The following CRISPLD2 variants were observed in gnomAD, a reference collection of about 807,000 sequenced individuals.
CRISPLD2 encodes the protein cysteine-rich secretory protein LCCL domain-containing 2.
In CRISPLD2, 47 loss-of-function variants were observed where a neutral mutation model predicts 71.1. The observed-to-expected ratio is 0.66, with a 90% CI of 0.52 to 0.84. The LOEUF is 0.84. CRISPLD2 is among the 40% of genes least tolerant of loss of function. The pLI is 0.00. For synonymous variants in CRISPLD2, 317 were observed against 250.1 expected, an observed-to-expected ratio of 1.27 and a Z score of -2.52; for missense variants, 830 against 651.1, an observed-to-expected ratio of 1.27 and a Z score of -2.99.
In CRISPLD2 at chr16:84,829,755, G is replaced by C. The variant is rs77585951; in HGVS notation, c.-74-8667G>C. On this transcript the variant is annotated intron_variant, in intron 1 of 14. Coordinates refer to ENST00000262424, the MANE Select transcript of CRISPLD2 (RefSeq NM_031476.4). The stretch of plus-strand genomic sequence containing the variant: ...AGGCCTTATGTGTGACCACAGGCAA[G>C]TTGCTTATCTTTTTTAAGCCTCAGT... Among the ~76,000 whole-genome samples the C allele has an allele frequency of 7.9e-3, 1,199 of 152,330 alleles. 44 individuals carry two copies. Among genetic ancestry groups the C allele is most frequent in the Admixed American group, 0.065 (996 of 15,304 alleles).
chr16:84,862,729 G>A (rs1312173068), intron 6 of CRISPLD2, among the ~76,000 whole-genome samples: 1 of 147,724 alleles, frequency 6.8e-6, no homozygotes, highest in East Asian at 2.0e-4. Flanking sequence ...CCATGACCGA[G>A]GGGCCTTGCA....
chr16:84,899,480 C>T (rs1597487003), intron 14 of CRISPLD2, among the ~76,000 whole-genome samples: 1 of 152,340 alleles, frequency 6.6e-6, no homozygotes, highest in East Asian at 1.9e-4. Context: ...AGCTTAATAA[C>T]TGCTTGAGGC....
At chr16:84,843,693 T>A (rs1916836270) in intron 2 of CRISPLD2, among the ~76,000 whole-genome samples, 1 of 150,676 alleles carries the variant, frequency 6.6e-6, no homozygotes, top group African/African-American at 2.5e-5. Flanking sequence ...TATTGCACAG[T>A]CAGCATGTTG....
chr16:84,840,837 C>T (rs956776252), intron 2 of CRISPLD2, among the ~76,000 whole-genome samples: 6 of 152,258 alleles, frequency 3.9e-5, no homozygotes, highest in Middle Eastern at 3.4e-3. Flanking sequence ...CCACCGTGCC[C>T]GGCCTATACA....
intron 8 of CRISPLD2, 50 bp downstream of exon 8, chr16:84,868,961 G>A (rs769686560): frequency 6.6e-7 from 1 of 1,507,786 alleles, no homozygotes; most frequent in Non-Finnish European, 9.0e-7. Flanking sequence ...AGTCTGTGCT[G>A]GGCTGTCCTA....
chr16:84,902,741 A>G lies in CRISPLD2; in HGVS notation c.1440-3847A>G, dbSNP rs369301426. Among the ~76,000 whole-genome samples the G allele has an allele frequency of 9.8e-5, 14 of 143,276 alleles. No individual in the cohort carries two copies. In the East Asian group the frequency reaches 2.1e-3, roughly 21 times the overall value. 94.0% of individuals were successfully genotyped at this position (143,276 alleles called of 152,430 possible). The stretch of plus-strand genomic sequence containing the variant: ...CCCTTTTGATTGGTTGTTGCTGTGT[A>G]TCTCCTATTTTTTGGAAAATCGGCC... On this transcript the variant is annotated intron_variant, in intron 14 of 14. Coordinates refer to ENST00000262424, the MANE Select transcript of CRISPLD2 (RefSeq NM_031476.4).
intron 14 of CRISPLD2, among the ~76,000 whole-genome samples, chr16:84,897,275 C>A (rs1474083656): frequency 1.4e-5 from 2 of 147,118 alleles, no homozygotes; most frequent in Non-Finnish European, 3.0e-5. Context: ...GTAATCCCAT[C>A]TCTACTAAAA....
intron 1 of CRISPLD2, chr16:84,836,200 C>G (rs1916613311): frequency 6.6e-6 from 1 of 152,200 alleles, no homozygotes; most frequent in East Asian, 1.9e-4. Context: ...CCCAAGATAT[C>G]TCATTATGTA....
chr16:84,854,679 G>C (rs1280405047), intron 5 of CRISPLD2, 50 bp from the exon 6 acceptor site: 1 of 1,355,954 alleles, frequency 7.4e-7, no homozygotes, highest in South Asian at 1.2e-5. Context: ...TCAGTCCCGA[G>C]GCCTCACGTC....
intron 11 of CRISPLD2, among the ~76,000 whole-genome samples, chr16:84,876,157 C>G (rs2071516475): frequency 6.6e-6 from 1 of 152,218 alleles, no homozygotes; most frequent in South Asian, 2.1e-4. Context: ...ATCTTGACAT[C>G]AAACATAAGG....
chr16:84,895,263 C>A (rs1232129063), intron 14 of CRISPLD2, among the ~76,000 whole-genome samples: 1 of 152,170 alleles, frequency 6.6e-6, no homozygotes, highest in African/African-American at 2.4e-5. Flanking sequence ...ACCTAGGCCG[C>A]CTGTACCAGA....
At position 84,877,464 on chromosome 16, in the gene CRISPLD2, G is replaced by T. The variant is rs550110140; in HGVS notation, c.1183G>T (p.Val395Phe). 1.9e-6 allele frequency: 3 copies of T among 1,613,850 alleles called. No individual in the cohort carries two copies. Among genetic ancestry groups the T allele is most frequent in the South Asian group, 1.1e-5 (1 of 91,078 alleles). Residue 395 changes from valine (V) to phenylalanine (F), a missense_variant, in exon 12 of 15, where the codon GTT becomes TTT. Val to Phe is a conservative substitution (Grantham distance 50). Coordinates refer to ENST00000262424, the MANE Select transcript of CRISPLD2 (RefSeq NM_031476.4). ...KVQDLDCYTT[V>F]AQLCPFEKPA... ...GCAGGATTTGGACTGCTACACGACCGTTGCTCAGCTGTGCCCGTTTGAAAA... is the reference window on the plus strand; with the variant it reads ...GCAGGATTTGGACTGCTACACGACCTTTGCTCAGCTGTGCCCGTTTGAAAA...
At chr16:84,888,239 A>C (rs1238256662) in intron 13 of CRISPLD2, among the ~76,000 whole-genome samples, 2 of 152,184 alleles carry the variant, frequency 1.3e-5, no homozygotes, top group African/African-American at 4.8e-5. Flanking sequence ...TCCATCTTCA[A>C]AACCAACAAT....
intron 14 of CRISPLD2, among the ~76,000 whole-genome samples, chr16:84,899,845 A>C (rs2071737996): frequency 6.6e-6 from 1 of 152,132 alleles, no homozygotes; most frequent in Non-Finnish European, 1.5e-5. Context: ...CCGTCCATAG[A>C]ATCTGCAGAC....
chr16:84,850,036 C>T (rs1159285156), intron 4 of CRISPLD2, among the ~76,000 whole-genome samples: 1 of 151,618 alleles, frequency 6.6e-6, no homozygotes. Context: ...GAGAAAACTT[C>T]TATGGCAATT....
intron 14 of CRISPLD2, among the ~76,000 whole-genome samples, chr16:84,898,574 C>A (rs1037037199): frequency 1.3e-5 from 2 of 152,186 alleles, no homozygotes; most frequent in Admixed American, 6.5e-5. Context: ...GCACTTGTCT[C>A]CTGCTCCCTG....
intron 14 of CRISPLD2, among the ~76,000 whole-genome samples, chr16:84,901,511 G>A (rs548892464): frequency 1.8e-4 from 26 of 140,738 alleles, no homozygotes; most frequent in Admixed American, 9.0e-4. Context: ...TCCCTGTGTC[G>A]CCCAGGCTGG....
Position 84,875,414 on chromosome 16 carries a change from C to CTTTTTTTTTTT in CRISPLD2, c.1156+1464_1156+1474dup, listed in dbSNP as rs34028519. 7.3e-4 allele frequency among the ~76,000 whole-genome samples: 64 copies of CTTTTTTTTTTT among 87,782 alleles called. 1 individual carries two copies. The highest frequency in any genetic ancestry group is 2.9e-3 in the African/African-American group (53 of 18,012). 57.6% of individuals were successfully genotyped at this position (87,782 alleles called of 152,430 possible). The stretch of plus-strand genomic sequence containing the variant: ...GAGAAACATGAGATTTATGCATGGA[C>CTTTTTTTTTTT]TTTTTTTTTTTTTTTTTTTTTTTGT... On this transcript the variant is annotated intron_variant, in intron 11 of 14. Transcript: ENST00000262424.
Position 84,872,517 on chromosome 16 carries a change from G to A in CRISPLD2, c.981+9G>A, listed in dbSNP as rs757970559. ...CTCTGTTCTATGAAAGCGTGAGTGT[G>A]GCCAGTCCTCCTCTCAATGGCTTGT... On this transcript the variant is annotated intron_variant, in intron 9 of 14. Coordinates refer to ENST00000262424, the MANE Select transcript of CRISPLD2 (RefSeq NM_031476.4). 5 of 1,611,474 alleles carry A rather than the reference G, an allele frequency of 3.1e-6. No individual in the cohort carries two copies. The highest frequency in any genetic ancestry group is 3.3e-5 in the Admixed American group (2 of 59,848).
Sources: allele counts gnomAD v4.1 joint callset (sites outside exome capture counted in the v4.1 genomes callset), GRCh38; gene constraint gnomAD v4.1.1; transcripts MANE v1.5; gene names NCBI Gene and HGNC (gene_info 2026-07-23, HGNC 2026-07-21).